Variants in CAP2 observed in about 807,000 individuals in gnomAD.
CAP2 encodes the protein adenylyl cyclase-associated protein 2.
A neutral mutation model predicts 57.7 loss-of-function variants in CAP2; 24 were observed. That is an observed-to-expected ratio of 0.42 (90% CI 0.30 to 0.58). The LOEUF (loss-of-function observed/expected upper bound fraction) is 0.58. Ranked by LOEUF, CAP2 falls within the 20% of genes least tolerant of loss-of-function variation. The pLI, the probability that CAP2 is intolerant of heterozygous loss-of-function variation, is 0.22. For missense variants in CAP2, 501 were observed against 590.3 expected, an observed-to-expected ratio of 0.85 and a Z score of 1.57; for synonymous variants, 194 against 207.2, an observed-to-expected ratio of 0.94 and a Z score of 0.55.
intron 4 of CAP2, among the ~76,000 whole-genome samples, chr6:17,468,724 A>C (rs544665916): frequency 1.3e-5 from 2 of 152,344 alleles, no homozygotes; most frequent in South Asian, 4.1e-4. Context: ...AAGGATTCTC[A>C]CATGGAAAAT....
intron 9 of CAP2, among the ~76,000 whole-genome samples, chr6:17,542,390 A>C (rs945268407): frequency 2.6e-5 from 4 of 152,138 alleles, no homozygotes; most frequent in Admixed American, 6.6e-5. Context: ...GCTGATCTGG[A>C]GGGCTTCCCT....
chr6:17,531,129 T>A, intron 7 of CAP2: 1 of 762,762 alleles, frequency 1.3e-6, no homozygotes, highest in East Asian at 2.4e-5. Context: ...CAAAGCCTCA[T>A]CTGTCAAAGC....
At chr6:17,465,807 C>T (rs1025761759) in intron 4 of CAP2, among the ~76,000 whole-genome samples, 19 of 152,156 alleles carry the variant, frequency 1.2e-4, no homozygotes, top group African/African-American at 4.3e-4. Context: ...GTAACATCCT[C>T]CCTCTAACAA....
At chr6:17,403,934 G>T (rs1592047) in intron 1 of CAP2, among the ~76,000 whole-genome samples, 22,411 of 152,122 alleles carry the variant, frequency 0.15, 5,548 homozygotes, top group African/African-American at 0.51. Flanking sequence ...GGTGACAGTT[G>T]CTATATGCCA....
chr6:17,427,477 G>A (rs1759623265), intron 3 of CAP2, among the ~76,000 whole-genome samples: 1 of 152,044 alleles, frequency 6.6e-6, no homozygotes, highest in African/African-American at 2.4e-5. Context: ...CATATCCATT[G>A]GGATGGCTAC....
At chr6:17,425,400 A>C (rs774959555) in intron 2 of CAP2, among the ~76,000 whole-genome samples, 1 of 152,162 alleles carries the variant, frequency 6.6e-6, no homozygotes, top group African/African-American at 2.4e-5. Context: ...CATTCCCACT[A>C]TGGTTGTCCC....
chr6:17,468,037 G>T (rs1198399158), intron 4 of CAP2, among the ~76,000 whole-genome samples: 1 of 151,558 alleles, frequency 6.6e-6, no homozygotes, highest in Non-Finnish European at 1.5e-5. Flanking sequence ...TTAATTTTTA[G>T]ATCCCATAAA....
At chr6:17,434,010 G>A (rs1759809264) in intron 3 of CAP2, among the ~76,000 whole-genome samples, 1 of 151,982 alleles carries the variant, frequency 6.6e-6, no homozygotes, top group Non-Finnish European at 1.5e-5. Flanking sequence ...ACCAACCACA[G>A]GATTGCCCAT....
intron 3 of CAP2, among the ~76,000 whole-genome samples, chr6:17,441,727 C>T (rs1161043242): frequency 6.6e-6 from 1 of 152,170 alleles, no homozygotes; most frequent in Non-Finnish European, 1.5e-5. Flanking sequence ...TCAAGCAATC[C>T]TCCCACCTTG....
chr6:17,507,751 A>G (rs1305481711), intron 6 of CAP2, 25 bp downstream of exon 6: 6 of 1,283,028 alleles, frequency 4.7e-6, no homozygotes, highest in Non-Finnish European at 6.8e-6. Context: ...TTACTCACCA[A>G]ATTTTCAGTT....
At chr6:17,394,016 C>A (rs1758607572) in intron 1 of CAP2, among the ~76,000 whole-genome samples, 1 of 149,404 alleles carries the variant, frequency 6.7e-6, no homozygotes, top group Non-Finnish European at 1.5e-5. Flanking sequence ...CTCCCCAGCT[C>A]CGGCGTCCTG....
intron 4 of CAP2, among the ~76,000 whole-genome samples, chr6:17,478,334 C>G (rs1283279585): frequency 1.5e-5 from 2 of 134,866 alleles, no homozygotes; most frequent in Non-Finnish European, 3.1e-5. Context: ...TTAGTAGAGA[C>G]AGGGTCTCAC....
chr6:17,554,532 A>G (rs189382101), intron 12 of CAP2, among the ~76,000 whole-genome samples: 37 of 152,360 alleles, frequency 2.4e-4, no homozygotes, highest in African/African-American at 8.9e-4. Flanking sequence ...TGCTGGGATT[A>G]CAGGTGTCAG....
intron 4 of CAP2, among the ~76,000 whole-genome samples, chr6:17,477,283 G>A (rs1359194695): frequency 6.6e-6 from 1 of 152,238 alleles, no homozygotes; most frequent in Non-Finnish European, 1.5e-5. Context: ...ACTGTGAGAT[G>A]CAGGGCTGCC....
chr6:17,483,095 A>G (rs1761698664), intron 4 of CAP2, among the ~76,000 whole-genome samples: 1 of 152,196 alleles, frequency 6.6e-6, no homozygotes, highest in South Asian at 2.1e-4. Context: ...TTCCAGGCCC[A>G]TTTGCCCCTT....
intron 7 of CAP2, among the ~76,000 whole-genome samples, chr6:17,524,094 AAAG>A (rs1396495160): frequency 6.6e-6 from 1 of 151,620 alleles, no homozygotes; most frequent in East Asian, 1.9e-4. Context: ...AAAAAAAAAA[AAAG>A]GAGTAAGAAG....
chr6:17,436,223 A>C (rs1160107169), intron 3 of CAP2, among the ~76,000 whole-genome samples: 1 of 151,964 alleles, frequency 6.6e-6, no homozygotes, highest in Non-Finnish European at 1.5e-5. Context: ...TCCTAGGTTC[A>C]AGTGATTCTC....
intron 4 of CAP2, among the ~76,000 whole-genome samples, chr6:17,490,786 G>C (rs1438993293): frequency 6.6e-6 from 1 of 152,176 alleles, no homozygotes; most frequent in Non-Finnish European, 1.5e-5. Context: ...AGAGAGACTG[G>C]GGCAGCCAGG....
chr6:17,525,266 CT>C (rs1762477734), intron 7 of CAP2, among the ~76,000 whole-genome samples: 1 of 152,142 alleles, frequency 6.6e-6, no homozygotes, highest in South Asian at 2.1e-4. Flanking sequence ...AAGCTGCCTA[CT>C]TTAATGGTCA....
Sources: gnomAD v4.1 joint callset for allele counts (sites outside exome capture counted in the v4.1 genomes callset) on GRCh38, gnomAD v4.1.1 for gene constraint, MANE v1.5 for transcripts, NCBI Gene and HGNC (gene_info 2026-07-23, HGNC 2026-07-21) for gene names.